The following CAMK2G variants were observed in gnomAD, a reference collection of about 807,000 sequenced individuals.
CAMK2G encodes calcium/calmodulin dependent protein kinase II gamma, also known as calcium/calmodulin-dependent protein kinase type II subunit gamma.
In CAMK2G, 23 loss-of-function variants were observed where a neutral mutation model predicts 88.7. The ratio of observed to expected loss-of-function variants is 0.26; its 90% CI spans 0.19 to 0.37. The LOEUF (loss-of-function observed/expected upper bound fraction) is 0.37. Among genes scored for constraint, CAMK2G ranks in the 10% least tolerant of loss-of-function variants. CAMK2G has a pLI of 1.00. For missense variants in CAMK2G, 476 were observed against 780.8 expected, an observed-to-expected ratio of 0.61 and a Z score of 4.65; for synonymous variants, 263 against 294.8, an observed-to-expected ratio of 0.89 and a Z score of 1.11.
At chr10:73,834,075 C>T (rs1227050959) in intron 14 of CAMK2G, among the ~76,000 whole-genome samples, 1 of 151,860 alleles carries the variant, frequency 6.6e-6, no homozygotes, top group Non-Finnish European at 1.5e-5. Flanking sequence ...CCTGCCACCA[C>T]GCCCGGCTAA....
In CAMK2G at chr10:73,868,620, C is replaced by T. The variant is rs184894649; in HGVS notation, c.160+4369G>A. Among the ~76,000 whole-genome samples, 124 of 152,330 alleles carry T rather than the reference C, an allele frequency of 8.1e-4. 3 individuals carry two copies. In the Middle Eastern group the frequency reaches 0.017, roughly 21 times the overall value. On this transcript the variant is annotated intron_variant, in intron 2 of 22. Coordinates refer to ENST00000423381, the MANE Select transcript of CAMK2G (RefSeq NM_001367534.1). The stretch of plus-strand genomic sequence containing the variant: ...CGCACACAGCCTCCTTAAATGCTTC[C>T]TCGAGGCCTGTGTTCCAGTGCTGTG...
At chr10:73,860,713 A>C in intron 3 of CAMK2G, 117 bp downstream of exon 3, 1 of 785,876 alleles carries the variant, frequency 1.3e-6, no homozygotes, top group Non-Finnish European at 2.2e-6. Context: ...CTCATGTAAA[A>C]ACAGACACCA....
chr10:73,822,114 T>C (rs2089090438), intron 17 of CAMK2G, among the ~76,000 whole-genome samples: 1 of 152,210 alleles, frequency 6.6e-6, no homozygotes, highest in East Asian at 1.9e-4. Context: ...ATCTCACACC[T>C]GAACCATGAT....
chr10:73,868,342 C>G (rs1306333379), intron 2 of CAMK2G, among the ~76,000 whole-genome samples: 1 of 152,154 alleles, frequency 6.6e-6, no homozygotes, highest in Non-Finnish European at 1.5e-5. Context: ...CATGATGCAG[C>G]ACCCCAAGTC....
chr10:73,864,605 A>G (rs968744593), intron 2 of CAMK2G, among the ~76,000 whole-genome samples: 4 of 152,138 alleles, frequency 2.6e-5, no homozygotes, highest in Admixed American at 6.5e-5. Flanking sequence ...AGCCAGGCAC[A>G]TTATCTTGGG....
chr10:73,832,420 C>T (rs573316591), intron 14 of CAMK2G, among the ~76,000 whole-genome samples: 2 of 152,238 alleles, frequency 1.3e-5, no homozygotes, highest in East Asian at 3.9e-4. Context: ...GATTCTCCTG[C>T]CTCAGCCTTC....
chr10:73,852,974 G>A (rs1327454788), intron 4 of CAMK2G, among the ~76,000 whole-genome samples: 1 of 152,240 alleles, frequency 6.6e-6, no homozygotes, highest in Non-Finnish European at 1.5e-5. Context: ...AAGTGCGAGA[G>A]GAATGCTGTC....
At chr10:73,859,941 G>A (rs1421986706) in intron 3 of CAMK2G, among the ~76,000 whole-genome samples, 1 of 152,220 alleles carries the variant, frequency 6.6e-6, no homozygotes, top group African/African-American at 2.4e-5. Context: ...GACCTCTGGG[G>A]CACGGTGGGA....
In CAMK2G at chr10:73,848,654, T is replaced by G; in HGVS notation, c.518-45A>C. On this transcript the variant is annotated intron_variant, in intron 7 of 22. Coordinates refer to ENST00000423381, the MANE Select transcript of CAMK2G (RefSeq NM_001367534.1). The surrounding 1 kb of genome is among the most constrained non-coding windows in gnomAD (Gnocchi z 4.5). ...AGAGGCATACTGAACCCACTTTCTC[T>G]CTCGTTAAATCCACACCAGCCATTT... 2.7e-6 allele frequency: 3 copies of G among 1,094,918 alleles called. No homozygotes were observed. Among genetic ancestry groups the G allele is most frequent in the Non-Finnish European group, 4.1e-6 (3 of 731,722 alleles). The allele number at this position is 1,094,918 out of a possible 1,614,324, so 67.8% of individuals were successfully genotyped here.
intron 3 of CAMK2G, among the ~76,000 whole-genome samples, chr10:73,859,272 G>A (rs1484866263): frequency 6.6e-6 from 1 of 152,224 alleles, no homozygotes; most frequent in Middle Eastern, 3.2e-3. Flanking sequence ...TGGCCAGCGG[G>A]CTGCAGGGGC....
chr10:73,852,187 G>A (rs1431548499), intron 5 of CAMK2G, 67 bp downstream of exon 5: 2 of 1,208,680 alleles, frequency 1.7e-6, no homozygotes, highest in South Asian at 1.2e-5. Flanking sequence ...GGACCCCGAA[G>A]GTGGCCAAGA....
rs1259899459 is a variant in CAMK2G at position 73,842,560 on chromosome 10, G to A, written c.820-19C>T. 3 of 1,582,468 alleles carry A rather than the reference G, an allele frequency of 1.9e-6. No individual in the cohort carries two copies. The highest frequency in any genetic ancestry group is 2.6e-6 in the Non-Finnish European group (3 of 1,151,556). ...ATCGTTGCTAGAAACCAAACAGACA[G>A]GCTATGAGCCCCAGCCCAGATCCTC... On this transcript the variant is annotated intron_variant, in intron 10 of 22. Coordinates refer to ENST00000423381, the MANE Select transcript of CAMK2G (RefSeq NM_001367534.1). The surrounding 1 kb of genome is among the most constrained non-coding windows in gnomAD (Gnocchi z 4.6).
intron 5 of CAMK2G, among the ~76,000 whole-genome samples, chr10:73,851,665 C>CAAAA (rs1234958659): frequency 7.7e-6 from 1 of 129,960 alleles, no homozygotes; most frequent in Non-Finnish European, 1.6e-5. Context: ...CATGGTAGTG[C>CAAAA]AAAAAAAAAG....
Position 73,849,067 on chromosome 10 carries a change from G to A in CAMK2G, c.463C>T (p.Leu155=), listed in dbSNP as rs1453676568. The A allele has an allele frequency of 1.2e-6, 2 of 1,614,072 alleles. No individual in the cohort carries two copies. Among genetic ancestry groups the A allele is most frequent in the Non-Finnish European group, 1.7e-6 (2 of 1,179,962 alleles). Residue 155 remains leucine (L), a synonymous_variant, in exon 7 of 23, where the codon CTG becomes TTG. Coordinates refer to ENST00000423381, the MANE Select transcript of CAMK2G (RefSeq NM_001367534.1). ...ASKCKGAAVK[L]ADFGLAIEVQ... is the part of the protein sequence containing the mutation. Reference sequence around the variant, plus strand: ...TCGATGGCTAGGCCAAAATCAGCCAGCTTGACGGCGGCACCCTTGCATTTA... The same window carrying A: ...TCGATGGCTAGGCCAAAATCAGCCAACTTGACGGCGGCACCCTTGCATTTA...
chr10:73,814,660 T>G, intron 22 of CAMK2G, 155 bp from the exon 23 acceptor site: 2 of 232,808 alleles, frequency 8.6e-6, no homozygotes, highest in South Asian at 8.1e-5. Flanking sequence ...CTGCCTCCCA[T>G]TTGCTAAGCA....
chr10:73,851,203 C>T (rs1380484375), intron 5 of CAMK2G, among the ~76,000 whole-genome samples: 2 of 152,258 alleles, frequency 1.3e-5, no homozygotes, highest in Non-Finnish European at 2.9e-5. Flanking sequence ...TCTCCAGAAG[C>T]AGCCAGAGCT....
At chr10:73,857,676 CA>C (rs2095139565) in intron 3 of CAMK2G, among the ~76,000 whole-genome samples, 1 of 152,178 alleles carries the variant, frequency 6.6e-6, no homozygotes, top group South Asian at 2.1e-4. Context: ...CGAAGGAAGA[CA>C]GAGTCTATTC....
In CAMK2G at chr10:73,839,786, G is replaced by C. The variant is rs145295579; in HGVS notation, c.947-185C>G. Among the ~76,000 whole-genome samples the C allele has an allele frequency of 9.8e-4, 150 of 152,302 alleles. No homozygotes were observed. The highest frequency in any genetic ancestry group is 6.8e-3 in the Middle Eastern group (2 of 294). ...CAGCCCTGCAGCAGTCTGGGGGCCT[G>C]GGAAGACCGGGCTGGGCCAGGGCAT... On this transcript the variant is annotated intron_variant, in intron 12 of 22. Transcript: ENST00000423381. The surrounding 1 kb of genome is among the most constrained non-coding windows in gnomAD (Gnocchi z 4.2).
chr10:73,817,441 A>G (rs757269896), intron 20 of CAMK2G, 38 bp downstream of exon 20: 2 of 1,371,842 alleles, frequency 1.5e-6, no homozygotes, highest in East Asian at 2.3e-5. Context: ...GCCTTGGGAG[A>G]TGACTTAGGT....
Sources: allele counts gnomAD v4.1 joint callset (sites outside exome capture counted in the v4.1 genomes callset), GRCh38; gene constraint gnomAD v4.1.1; non-coding constraint Gnocchi (gnomAD v3.1); transcripts MANE v1.5; gene names NCBI Gene and HGNC (gene_info 2026-07-23, HGNC 2026-07-21).